RAP1GAP2: variants seen among roughly 807,000 people sequenced by gnomAD.
The protein encoded by RAP1GAP2 is RAP1 GTPase activating protein 2, also known as rap1 GTPase-activating protein 2.
Under a neutral mutation model 95.0 loss-of-function variants are expected in RAP1GAP2, and 27 were observed. That is an observed-to-expected ratio of 0.28 (90% CI 0.21 to 0.39). The LOEUF (loss-of-function observed/expected upper bound fraction) is 0.39. Among genes scored for constraint, RAP1GAP2 ranks in the 10% least tolerant of loss-of-function variants. The pLI is 1.00. For synonymous variants in RAP1GAP2, 373 were observed against 380.9 expected (o/e 0.98, Z 0.24); for missense variants, 771 against 970.0 (o/e 0.79, Z 2.72).
At chr17:2,828,021 C>CT (rs1384053138) in intron 2 of RAP1GAP2, among the ~76,000 whole-genome samples, 3 of 152,082 alleles carry the variant, frequency 2.0e-5, no homozygotes, top group Non-Finnish European at 4.4e-5. Context: ...GAGCACTTGA[C>CT]CAAAACTAGT....
At chr17:2,998,929 A>C (rs578066314) in intron 14 of RAP1GAP2, among the ~76,000 whole-genome samples, 84 of 152,326 alleles carry the variant, frequency 5.5e-4, no homozygotes, top group African/African-American at 2.0e-3. Context: ...GGTGCTAACG[A>C]AGGAAAAAAA....
At chr17:2,779,896 A>G (rs1443933571) in intron 1 of RAP1GAP2, among the ~76,000 whole-genome samples, 1 of 151,474 alleles carries the variant, frequency 6.6e-6, no homozygotes, top group Non-Finnish European at 1.5e-5. Flanking sequence ...GCCTTGGCGT[A>G]TGGGGATTCA....
chr17:3,031,582 GAA>G (rs2047302097), intron 23 of RAP1GAP2, among the ~76,000 whole-genome samples: 2 of 118,502 alleles, frequency 1.7e-5, no homozygotes, highest in East Asian at 3.0e-4. Context: ...CCTGGGTCCC[GAA>G]TCCCTTCCTG....
At chr17:2,921,715 A>ATGGGGCCGTTAAGGTGTCCG (rs1555569365) in intron 3 of RAP1GAP2, among the ~76,000 whole-genome samples, 3 of 149,660 alleles carry the variant, frequency 2.0e-5, no homozygotes, top group East Asian at 4.0e-4. Context: ...TTATGTGTCC[A>ATGGGGCCGTTAAGGTGTCCG]CAGGGCCGTT....
At chr17:2,873,906 G>GTA (rs2072966740) in intron 2 of RAP1GAP2, among the ~76,000 whole-genome samples, 1 of 151,592 alleles carries the variant, frequency 6.6e-6, no homozygotes, top group East Asian at 2.0e-4. Context: ...GGGATTACAG[G>GTA]CATGCGCCAC....
intron 2 of RAP1GAP2, among the ~76,000 whole-genome samples, chr17:2,901,669 G>A (rs1028437266): frequency 2.0e-5 from 3 of 152,000 alleles, no homozygotes; most frequent in African/African-American, 7.3e-5. Flanking sequence ...CCTCGTGTGT[G>A]ATATGTTTGC....
intron 3 of RAP1GAP2, among the ~76,000 whole-genome samples, chr17:2,952,218 G>A (rs935334543): frequency 2.0e-5 from 3 of 152,036 alleles, no homozygotes; most frequent in Non-Finnish European, 4.4e-5. Flanking sequence ...GGAAACAATG[G>A]GATCATCTTG....
chr17:2,928,937 C>G (rs2043053562), intron 3 of RAP1GAP2, among the ~76,000 whole-genome samples: 2 of 152,064 alleles, frequency 1.3e-5, no homozygotes, highest in Non-Finnish European at 2.9e-5. Flanking sequence ...GGTGGAGCTT[C>G]CAGGGTGGGG....
At chr17:2,795,413 G>A (rs971616801), upstream of RAP1GAP2, among the ~76,000 whole-genome samples, 2 of 152,208 alleles carry the variant, frequency 1.3e-5, no homozygotes, top group Non-Finnish European at 2.9e-5. Context: ...ACTGGGATGC[G>A]TGCAGGACAC....
chr17:2,827,196 T>C lies in RAP1GAP2; in HGVS notation c.80+26646T>C, dbSNP rs1226509617. On this transcript the variant is annotated intron_variant, in intron 2 of 24. Coordinates refer to ENST00000254695, the MANE Select transcript of RAP1GAP2 (RefSeq NM_015085.5). The surrounding 1 kb of genome is among the most constrained non-coding windows in gnomAD (Gnocchi z 4.1). Reference sequence around the variant, plus strand: ...GTGCGTTTGAGGAGCTTGTGGATCGTCCCAGGGGTGTGTGTGGTTGGGCTC... The same window carrying C: ...GTGCGTTTGAGGAGCTTGTGGATCGCCCCAGGGGTGTGTGTGGTTGGGCTC... Among the ~76,000 whole-genome samples the C allele has an allele frequency of 6.6e-6, 1 of 152,114 alleles. No homozygotes were observed. The highest frequency in any genetic ancestry group is 1.9e-4 in the East Asian group (1 of 5,180).
intron 3 of RAP1GAP2, among the ~76,000 whole-genome samples, chr17:2,923,423 C>G (rs2042857992): frequency 6.6e-6 from 1 of 151,902 alleles, no homozygotes; most frequent in East Asian, 1.9e-4. Context: ...CCTCTGCCTC[C>G]CAGGCTCCAG....
At chr17:2,793,222 T>C (rs183358629), upstream of RAP1GAP2, among the ~76,000 whole-genome samples, 1,453 of 151,978 alleles carry the variant, frequency 9.6e-3, 22 homozygotes, top group African/African-American at 0.032. Context: ...GGCGTGATCT[T>C]GGCTCACTGC....
At chr17:2,938,850 G>A (rs977561725) in intron 3 of RAP1GAP2, among the ~76,000 whole-genome samples, 5 of 151,966 alleles carry the variant, frequency 3.3e-5, no homozygotes, top group Non-Finnish European at 7.4e-5. Context: ...AGCCGGGTAT[G>A]GTGGCGGGTG....
chr17:2,835,992 C>T (rs2071109168), intron 2 of RAP1GAP2, among the ~76,000 whole-genome samples: 2 of 152,138 alleles, frequency 1.3e-5, no homozygotes. Flanking sequence ...CAGACCGCCC[C>T]CAGCCAGCCA....
rs555750644 is a variant in RAP1GAP2, at chr17:2,956,903, A to C, written c.166-856A>C. 3.8e-3 allele frequency among the ~76,000 whole-genome samples: 578 copies of C among 152,016 alleles called. 1 individual carries two copies. The highest frequency in any genetic ancestry group is 0.018 in the South Asian group (87 of 4,816). On this transcript the variant is annotated intron_variant, in intron 3 of 24. Transcript: ENST00000254695. The stretch of plus-strand genomic sequence containing the variant: ...CAGCACTTTGGGAGGCCAAGGCGGG[A>C]GGATCACAAGGTCAGGAGTTCGAGA...
chr17:3,023,952 A>G (rs554980599), intron 19 of RAP1GAP2, among the ~76,000 whole-genome samples: 6 of 152,310 alleles, frequency 3.9e-5, no homozygotes, highest in Non-Finnish European at 8.8e-5. Context: ...GATGGTTTTC[A>G]GCTTCATCCA....
intron 2 of RAP1GAP2, among the ~76,000 whole-genome samples, chr17:2,852,771 G>A (rs2071918052): frequency 6.6e-6 from 1 of 152,172 alleles, no homozygotes; most frequent in South Asian, 2.1e-4. Context: ...GCGGGAGGGG[G>A]CTGGGAGGCT....
At chr17:2,850,557 G>C (rs1246749170) in intron 2 of RAP1GAP2, among the ~76,000 whole-genome samples, 2 of 149,994 alleles carry the variant, frequency 1.3e-5, no homozygotes, top group African/African-American at 4.9e-5. Context: ...GACCATCCTG[G>C]CTAACACGGT....
At position 2,945,111 on chromosome 17, in the gene RAP1GAP2, G is replaced by A. The variant is rs913666129; in HGVS notation, c.166-12648G>A. ...AGGATGGCCTCGATCTCCTGACTTC[G>A]TGATCCACCCGCCTCGGCCTCCCAA... is the stretch of plus-strand genomic sequence containing the variant. On this transcript the variant is annotated intron_variant, in intron 3 of 24. Transcript: ENST00000254695. Among the ~76,000 whole-genome samples the A allele has an allele frequency of 7.9e-5, 12 of 152,206 alleles. No homozygotes were observed. The South Asian group carries it at 2.5e-3, about 32-fold the overall frequency.
Sources: gnomAD v4.1 joint callset for allele counts (sites outside exome capture counted in the v4.1 genomes callset) on GRCh38, gnomAD v4.1.1 for gene constraint, Gnocchi (gnomAD v3.1) non-coding constraint, MANE v1.5 for transcripts, NCBI Gene and HGNC (gene_info 2026-07-23, HGNC 2026-07-21) for gene names.